HYCC2: variants seen among roughly 807,000 people sequenced by gnomAD.
HYCC2 encodes the protein hyccin PI4KA lipid kinase complex subunit 2, also known as hyccin 2.
chr2:201,012,981 A>ACG, the HYCC2 span, among the ~76,000 whole-genome samples: 1 of 150,112 alleles, frequency 6.7e-6, no homozygotes, highest in Non-Finnish European at 1.5e-5. Flanking sequence ...ACACACACAC[A>ACG]CACGCCTACA....
chr2:201,006,821 AAATTG>A, the HYCC2 span, among the ~76,000 whole-genome samples: 6 of 152,288 alleles, frequency 3.9e-5, no homozygotes, highest in East Asian at 1.2e-3. Context: ...TATGTATTGG[AAATTG>A]AATTGAAGCC....
the HYCC2 span, among the ~76,000 whole-genome samples, chr2:201,053,561 T>C: frequency 6.6e-6 from 1 of 152,152 alleles, no homozygotes; most frequent in African/African-American, 2.4e-5. Context: ...GCCTAATGAA[T>C]AGACATAGGC....
the HYCC2 span, chr2:201,024,081 T>C: frequency 4.6e-5 from 49 of 1,069,748 alleles, no homozygotes; most frequent in Admixed American, 5.2e-4. Context: ...GTAGTACTTA[T>C]AGGAACAACT....
the HYCC2 span, among the ~76,000 whole-genome samples, chr2:201,009,712 G>A: frequency 6.6e-5 from 10 of 151,888 alleles, no homozygotes; most frequent in South Asian, 2.1e-4. Flanking sequence ...CACCCACCTC[G>A]GCCTCCCAAA....
At chr2:200,980,465 G>A in the HYCC2 span, 2 of 152,388 alleles carry the variant, frequency 1.3e-5, no homozygotes, top group Non-Finnish European at 2.9e-5. Flanking sequence ...CTCAGATTCT[G>A]ATTTGTTAGT....
the HYCC2 span, chr2:201,022,695 C>A: frequency 1.9e-6 from 1 of 528,694 alleles, no homozygotes. Context: ...GCCAAAGCAA[C>A]TATCAGAATG....
the HYCC2 span, among the ~76,000 whole-genome samples, chr2:201,039,194 A>G: frequency 6.6e-6 from 1 of 152,070 alleles, no homozygotes; most frequent in Non-Finnish European, 1.5e-5. Context: ...TCTTCATAGC[A>G]TTTAGCATAA....
At chr2:200,997,168 T>C in the HYCC2 span, 6 of 240,506 alleles carry the variant, frequency 2.5e-5, no homozygotes, top group Non-Finnish European at 4.9e-5. Context: ...GGCGGGAGGA[T>C]CCCTTGAGCC....
the HYCC2 span, among the ~76,000 whole-genome samples, chr2:201,030,252 C>A: frequency 6.6e-6 from 1 of 152,060 alleles, no homozygotes; most frequent in Non-Finnish European, 1.5e-5. Context: ...AAAAGCCATA[C>A]CTGCTCTGTA....
the HYCC2 span, among the ~76,000 whole-genome samples, chr2:201,011,239 C>G: frequency 1.3e-5 from 2 of 152,118 alleles, no homozygotes; most frequent in Non-Finnish European, 2.9e-5. Context: ...CTACCTCTCT[C>G]GTCACAGCTC....
chr2:201,011,404 T>C, the HYCC2 span: 16 of 1,568,096 alleles, frequency 1.0e-5, no homozygotes, highest in Admixed American at 1.9e-5. Flanking sequence ...CATGGTATAT[T>C]GAAGGCTTGG....
chr2:200,981,845 CCT>C, the HYCC2 span: 1 of 1,611,662 alleles, frequency 6.2e-7, no homozygotes, highest in Non-Finnish European at 8.5e-7. This position sits in a 1 kb window ranked among gnomAD's most constrained non-coding sequence, Gnocchi z 4.5. Flanking sequence ...TTTACAGACT[CCT>C]CTCCTCCATT....
At chr2:200,993,845 G>A in the HYCC2 span, among the ~76,000 whole-genome samples, 1 of 151,960 alleles carries the variant, frequency 6.6e-6, no homozygotes, top group African/African-American at 2.4e-5. Flanking sequence ...AAATTAGCCG[G>A]GCATGGTGGC....
chr2:201,024,040 C>T, the HYCC2 span: 46 of 1,567,300 alleles, frequency 2.9e-5, no homozygotes, highest in South Asian at 4.8e-4. Flanking sequence ...TCTTTTATCT[C>T]TAAAAGAAAA....
chr2:200,983,007 C>T, the HYCC2 span, among the ~76,000 whole-genome samples: 1 of 152,196 alleles, frequency 6.6e-6, no homozygotes, highest in African/African-American at 2.4e-5. Flanking sequence ...ATCTGCCCAC[C>T]TCAGCCTCCC....
chr2:201,042,906 G>A, the HYCC2 span, among the ~76,000 whole-genome samples: 8 of 151,972 alleles, frequency 5.3e-5, no homozygotes, highest in African/African-American at 1.9e-4. Flanking sequence ...GAGCCCCTCT[G>A]CCCGGCCGCC....
At chr2:200,986,963 T>A in the HYCC2 span, among the ~76,000 whole-genome samples, 1 of 152,342 alleles carries the variant, frequency 6.6e-6, no homozygotes, top group Admixed American at 6.5e-5. Context: ...AAGAATAAAT[T>A]ATTGTATAAA....
the HYCC2 span, chr2:200,981,332 C>G: frequency 6.2e-7 from 1 of 1,614,144 alleles, no homozygotes; most frequent in Non-Finnish European, 8.5e-7. This position sits in a 1 kb window ranked among gnomAD's most constrained non-coding sequence, Gnocchi z 4.5. Context: ...GTCAAGGGGG[C>G]TCCTGGGCTG....
chr2:201,042,739 G>C, the HYCC2 span, among the ~76,000 whole-genome samples: 5 of 150,914 alleles, frequency 3.3e-5, no homozygotes, highest in African/African-American at 1.2e-4. Flanking sequence ...CGTCCGGGAG[G>C]TGGGGGGCAG....
Sources: allele counts gnomAD v4.1 joint callset (sites outside exome capture counted in the v4.1 genomes callset), GRCh38; gene constraint gnomAD v4.1.1; non-coding constraint Gnocchi (gnomAD v3.1); transcripts MANE v1.5; gene names NCBI Gene and HGNC (gene_info 2026-07-23, HGNC 2026-07-21).